The following LARGE1 variants were observed in gnomAD, a reference collection of about 807,000 sequenced individuals.
LARGE1 encodes the protein xylosyl- and glucuronyltransferase LARGE1.
Under a neutral mutation model 87.6 loss-of-function variants are expected in LARGE1, and 43 were observed. The ratio of observed to expected loss-of-function variants is 0.49; its 90% CI spans 0.38 to 0.63. The LOEUF (loss-of-function observed/expected upper bound fraction) is 0.63, where lower values mean the gene tolerates loss of function less well. Among genes scored for constraint, LARGE1 ranks in the 30% least tolerant of loss-of-function variants. LARGE1 has a pLI of 0.00. For synonymous variants in LARGE1, 434 were observed against 394.6 expected (o/e 1.10, Z -1.18); for missense variants, 802 against 1,000.2 (o/e 0.80, Z 2.67).
intron 11 of LARGE1, among the ~76,000 whole-genome samples, chr22:33,264,481 A>G (rs552330170): frequency 6.6e-6 from 1 of 152,306 alleles, no homozygotes; most frequent in African/African-American, 2.4e-5. Context: ...CAACGTGGTG[A>G]AATTCCTGTC....
chr22:33,382,007 A>T lies in LARGE1; in HGVS notation c.1043T>A (p.Leu348His). ...FNAVIKQNPF[L>H]VYQLPCFWNV... Reference sequence around the variant, plus strand: ...CCAGAAGCAGGGGAGCTGGTACACAAGGAAGGGGTTTTGTTTGATGACGGC... The same window carrying T: ...CCAGAAGCAGGGGAGCTGGTACACATGGAAGGGGTTTTGTTTGATGACGGC... Residue 348 changes from leucine (L) to histidine (H), a missense_variant, in exon 9 of 15, where the codon CTT (leucine) becomes CAT (histidine). By Grantham distance (99) the Leu-to-His change is moderately conservative. Around this residue, in one of 2 missense-constraint regions of LARGE1, gnomAD observed 625 missense variants for 841.9 expected, o/e 0.74. Transcript: ENST00000397394. The T allele has an allele frequency of 6.2e-7, 1 of 1,614,122 alleles. No individual in the cohort carries two copies.
intron 9 of LARGE1, 23 bp downstream of exon 9, chr22:33,381,896 G>T (rs2065170958): frequency 6.2e-7 from 1 of 1,613,710 alleles, no homozygotes; most frequent in Admixed American, 1.7e-5. Flanking sequence ...CTACCTCCAG[G>T]GATGTCCCTG....
intron 9 of LARGE1, among the ~76,000 whole-genome samples, chr22:33,365,051 T>A (rs1295012315): frequency 6.6e-6 from 1 of 152,160 alleles, no homozygotes; most frequent in Non-Finnish European, 1.5e-5. Context: ...TACTTATTTT[T>A]ATGTTTTTAT....
chr22:33,808,812 A>G (rs1044300778), intron 1 of LARGE1, among the ~76,000 whole-genome samples: 1 of 152,234 alleles, frequency 6.6e-6, no homozygotes. Context: ...CAGACCCAGT[A>G]GCACCATTAA....
chr22:33,762,526 G>A (rs1247722688), intron 1 of LARGE1, among the ~76,000 whole-genome samples: 2 of 152,158 alleles, frequency 1.3e-5, no homozygotes, highest in Non-Finnish European at 2.9e-5. Flanking sequence ...ACAACTGAAA[G>A]CCTAAACACA....
At chr22:33,438,626 G>A (rs778340895) in intron 6 of LARGE1, among the ~76,000 whole-genome samples, 14 of 151,892 alleles carry the variant, frequency 9.2e-5, no homozygotes, top group South Asian at 4.2e-4. Flanking sequence ...CTCAAGGCCC[G>A]GCTCCTGCTG....
At chr22:33,784,957 A>G (rs562810214) in intron 1 of LARGE1, among the ~76,000 whole-genome samples, 3 of 151,316 alleles carry the variant, frequency 2.0e-5, no homozygotes, top group Non-Finnish European at 3.0e-5. Flanking sequence ...ACATGTGTAC[A>G]TGGGTATATA....
chr22:33,083,595 T>C, the LARGE1 span, among the ~76,000 whole-genome samples: 1 of 152,128 alleles, frequency 6.6e-6, no homozygotes, highest in Non-Finnish European at 1.5e-5. Flanking sequence ...GTCTGAACCA[T>C]GAAAAAATAT....
intron 1 of LARGE1, among the ~76,000 whole-genome samples, chr22:33,831,237 C>G (rs572606816): frequency 6.6e-6 from 1 of 151,770 alleles, no homozygotes; most frequent in South Asian, 2.1e-4. Flanking sequence ...TGAGCCACTG[C>G]GACCGGCTCA....
intron 11 of LARGE1, among the ~76,000 whole-genome samples, chr22:33,204,467 C>A (rs966631683): frequency 6.6e-6 from 1 of 152,122 alleles, no homozygotes; most frequent in Non-Finnish European, 1.5e-5. Flanking sequence ...GACTTATCAG[C>A]TTCCCAATCT....
intron 11 of LARGE1, among the ~76,000 whole-genome samples, chr22:33,199,612 G>T (rs188052670): frequency 2.0e-5 from 3 of 151,974 alleles, no homozygotes; most frequent in African/African-American, 7.3e-5. Context: ...TATTGAATAG[G>T]GTATTATTTC....
chr22:33,751,699 C>G (rs750213251), intron 2 of LARGE1, among the ~76,000 whole-genome samples: 1 of 151,360 alleles, frequency 6.6e-6, no homozygotes, highest in Non-Finnish European at 1.5e-5. Context: ...TGTATGTCTT[C>G]TTTTGCTCAA....
chr22:33,406,985 G>A (rs2066125774), intron 7 of LARGE1, among the ~76,000 whole-genome samples: 1 of 151,946 alleles, frequency 6.6e-6, no homozygotes, highest in Non-Finnish European at 1.5e-5. Flanking sequence ...CAGAGACGGG[G>A]TTTCACCATG....
At chr22:33,128,310 C>T in the LARGE1 span, among the ~76,000 whole-genome samples, 3 of 152,146 alleles carry the variant, frequency 2.0e-5, no homozygotes, top group Non-Finnish European at 4.4e-5. Flanking sequence ...GGGTATGTTC[C>T]TTGTAGCACT....
At chr22:33,131,998 A>G in the LARGE1 span, among the ~76,000 whole-genome samples, 1 of 151,144 alleles carries the variant, frequency 6.6e-6, no homozygotes, top group Non-Finnish European at 1.5e-5. Context: ...ATCAGATCTC[A>G]TAAGACTCAG....
At chr22:33,565,066 T>A (rs767620015) in intron 5 of LARGE1, 47 bp from the exon 6 acceptor site, 6 of 1,547,158 alleles carry the variant, frequency 3.9e-6, no homozygotes, top group Non-Finnish European at 5.4e-6. Context: ...GGAAAAAAAA[T>A]TGCTATATTA....
At chr22:33,722,394 A>G (rs2083136302) in intron 2 of LARGE1, among the ~76,000 whole-genome samples, 2 of 150,354 alleles carry the variant, frequency 1.3e-5, no homozygotes, top group Admixed American at 1.3e-4. Flanking sequence ...GGAAGGAAAG[A>G]AGGGAGGGAA....
intron 9 of LARGE1, among the ~76,000 whole-genome samples, chr22:33,370,228 C>T (rs547607263): frequency 7.2e-5 from 11 of 151,790 alleles, no homozygotes; most frequent in East Asian, 1.9e-4. Context: ...ACACAGGGGC[C>T]GTTAAAAAAA....
intron 2 of LARGE1, among the ~76,000 whole-genome samples, chr22:33,741,208 G>T (rs1368834327): frequency 6.6e-6 from 1 of 152,184 alleles, no homozygotes; most frequent in East Asian, 1.9e-4. Flanking sequence ...GAGGCTTCTG[G>T]ACCCCAGCAT....
Sources: gnomAD v4.1 joint callset for allele counts (sites outside exome capture counted in the v4.1 genomes callset) on GRCh38, gnomAD v4.1.1 for gene constraint, gnomAD v4.1.1 regional missense constraint, MANE v1.5 for transcripts, NCBI Gene and HGNC (gene_info 2026-07-23, HGNC 2026-07-21) for gene names.